The following TTC29 variants were observed in gnomAD, a reference collection of about 807,000 sequenced individuals.
TTC29 encodes tetratricopeptide repeat protein 29.
A neutral mutation model predicts 58.1 loss-of-function variants in TTC29; 49 were observed. That is an observed-to-expected ratio of 0.84 (90% CI 0.67 to 1.07). The LOEUF (loss-of-function observed/expected upper bound fraction) is 1.07. Among genes scored for constraint, TTC29 ranks in the 50% least tolerant of loss-of-function variants. The probability of loss-of-function intolerance (pLI) is 0.00; values close to 1 mark genes in which losing one functional copy is unlikely to be tolerated. For missense variants in TTC29, 582 were observed against 555.6 expected (o/e 1.05, Z -0.48); for synonymous variants, 209 against 196.8 (o/e 1.06, Z -0.52).
At chr4:146,886,539 T>C (rs1731995873) in intron 6 of TTC29, among the ~76,000 whole-genome samples, 1 of 152,030 alleles carries the variant, frequency 6.6e-6, no homozygotes, top group Non-Finnish European at 1.5e-5. Flanking sequence ...GAACACGACA[T>C]GGGAAGCGTG....
intron 11 of TTC29, among the ~76,000 whole-genome samples, chr4:146,784,822 A>T (rs1579665797): frequency 6.6e-6 from 1 of 152,210 alleles, no homozygotes; most frequent in South Asian, 2.1e-4. Context: ...CTTTATCTGA[A>T]AAAATGGAGG....
chr4:146,798,929 T>C (rs1464474490), intron 11 of TTC29, among the ~76,000 whole-genome samples: 2 of 135,844 alleles, frequency 1.5e-5, no homozygotes, highest in Non-Finnish European at 1.6e-5. Flanking sequence ...CAAAATACCA[T>C]ATTTAGTGAG....
At chr4:146,742,220 A>C (rs752970406) in intron 11 of TTC29, among the ~76,000 whole-genome samples, 3 of 152,110 alleles carry the variant, frequency 2.0e-5, no homozygotes, top group Non-Finnish European at 4.4e-5. Context: ...GTATAACTGG[A>C]CATGAGGCTC....
intron 8 of TTC29, among the ~76,000 whole-genome samples, chr4:146,854,720 C>T (rs1471156359): frequency 3.3e-5 from 5 of 152,150 alleles, no homozygotes; most frequent in Non-Finnish European, 7.3e-5. Context: ...ATGGCCACAC[C>T]AGCTTACCCT....
intron 11 of TTC29, among the ~76,000 whole-genome samples, chr4:146,788,721 G>A (rs1749222678): frequency 6.6e-6 from 1 of 151,902 alleles, no homozygotes; most frequent in Non-Finnish European, 1.5e-5. Flanking sequence ...ACAAAGGTAT[G>A]GAAAAATGAT....
chr4:146,859,591 T>C (rs1384909484), intron 8 of TTC29, among the ~76,000 whole-genome samples: 2 of 152,058 alleles, frequency 1.3e-5, no homozygotes, highest in Non-Finnish European at 2.9e-5. Flanking sequence ...CAGTTATAAT[T>C]TTTCAGAGGA....
intron 11 of TTC29, among the ~76,000 whole-genome samples, chr4:146,718,262 AATTTT>A (rs1158923614): frequency 6.6e-6 from 1 of 152,116 alleles, no homozygotes; most frequent in African/African-American, 2.4e-5. Context: ...ATCATATGGT[AATTTT>A]ATTTTTAGTT....
At chr4:146,897,437 T>A (rs182562312) in intron 6 of TTC29, among the ~76,000 whole-genome samples, 2 of 152,234 alleles carry the variant, frequency 1.3e-5, no homozygotes, top group East Asian at 3.9e-4. Flanking sequence ...TTCCCCAAAC[T>A]ATGATTGCCC....
chr4:146,814,476 C>T (rs901444730), intron 10 of TTC29, among the ~76,000 whole-genome samples: 1 of 151,826 alleles, frequency 6.6e-6, no homozygotes, highest in Non-Finnish European at 1.5e-5. Context: ...ACGTATAATC[C>T]CAGCACTTTG....
At chr4:146,943,722 C>T (rs1237795548) in intron 2 of TTC29, among the ~76,000 whole-genome samples, 1 of 152,174 alleles carries the variant, frequency 6.6e-6, no homozygotes, top group East Asian at 1.9e-4. Flanking sequence ...AGTTTCTTAT[C>T]TAAGTAATTG....
At chr4:146,804,821 A>C (rs907530728) in intron 10 of TTC29, among the ~76,000 whole-genome samples, 2 of 152,194 alleles carry the variant, frequency 1.3e-5, no homozygotes, top group Non-Finnish European at 2.9e-5. Context: ...AGCAGACTTA[A>C]ATTTTCCTGC....
chr4:146,804,428 G>A (rs2150120516), intron 10 of TTC29, among the ~76,000 whole-genome samples: 2 of 152,254 alleles, frequency 1.3e-5, no homozygotes, highest in Middle Eastern at 6.8e-3. Context: ...AGGGAGCCAA[G>A]TGATCTAGCT....
At chr4:146,882,733 G>GGC (rs1731716524) in intron 6 of TTC29, among the ~76,000 whole-genome samples, 2 of 152,108 alleles carry the variant, frequency 1.3e-5, no homozygotes, top group Non-Finnish European at 2.9e-5. Flanking sequence ...TATCAGTATT[G>GGC]ATTATTGAAG....
At chr4:146,790,783 G>A (rs2150102169) in intron 11 of TTC29, among the ~76,000 whole-genome samples, 1 of 152,284 alleles carries the variant, frequency 6.6e-6, no homozygotes, top group South Asian at 2.1e-4. Context: ...AGACTGTGCA[G>A]AATCCCACTC....
At chr4:146,801,873 G>C (rs769841187) in intron 11 of TTC29, among the ~76,000 whole-genome samples, 1 of 148,766 alleles carries the variant, frequency 6.7e-6, no homozygotes, top group Non-Finnish European at 1.5e-5. Flanking sequence ...CAGCTCCTCA[G>C]GAGGCTGAAG....
intron 11 of TTC29, among the ~76,000 whole-genome samples, chr4:146,785,893 C>A (rs1445002729): frequency 6.6e-6 from 1 of 151,902 alleles, no homozygotes; most frequent in African/African-American, 2.4e-5. Context: ...CTAAAGGTCA[C>A]TAAATTAGTG....
chr4:146,795,238 T>A (rs571875047), intron 11 of TTC29, among the ~76,000 whole-genome samples: 1 of 152,154 alleles, frequency 6.6e-6, no homozygotes, highest in Non-Finnish European at 1.5e-5. Flanking sequence ...AAAGTAAATG[T>A]GTGCAGGTAC....
At chr4:146,839,422 T>C (rs1478106705) in intron 8 of TTC29, among the ~76,000 whole-genome samples, 1 of 152,056 alleles carries the variant, frequency 6.6e-6, no homozygotes, top group Non-Finnish European at 1.5e-5. Context: ...ATACATTTTA[T>C]ACAGGAATCC....
At chr4:146,909,690 C>T (rs1002597975) in intron 4 of TTC29, among the ~76,000 whole-genome samples, 3 of 152,158 alleles carry the variant, frequency 2.0e-5, no homozygotes, top group African/African-American at 7.2e-5. Context: ...ATCATTCTTT[C>T]ATTCATGCAG....
Sources: allele counts gnomAD v4.1 joint callset (sites outside exome capture counted in the v4.1 genomes callset), GRCh38; gene constraint gnomAD v4.1.1; transcripts MANE v1.5; gene names NCBI Gene and HGNC (gene_info 2026-07-23, HGNC 2026-07-21).